FAM13C: variants seen among roughly 807,000 people sequenced by gnomAD.
FAM13C encodes protein FAM13C.
In FAM13C, 37 loss-of-function variants were observed where a neutral mutation model predicts 73.2. The observed-to-expected ratio is 0.51, with a 90% CI of 0.39 to 0.67. FAM13C has a LOEUF of 0.67. FAM13C is among the 30% of genes least tolerant of loss of function. The probability of loss-of-function intolerance (pLI) is 0.00; values close to 1 mark genes in which losing one functional copy is unlikely to be tolerated. For missense variants in FAM13C, 589 were observed against 715.6 expected (o/e 0.82, Z 2.02); for synonymous variants, 246 against 260.9 (o/e 0.94, Z 0.55).
At chr10:59,292,224 A>G (rs1197248740) in intron 5 of FAM13C, among the ~76,000 whole-genome samples, 1 of 152,232 alleles carries the variant, frequency 6.6e-6, no homozygotes, top group Non-Finnish European at 1.5e-5. Flanking sequence ...TAGTACTTAA[A>G]TTATCCAAAA....
chr10:59,335,705 T>C (rs2093291030), intron 3 of FAM13C, among the ~76,000 whole-genome samples: 1 of 152,174 alleles, frequency 6.6e-6, no homozygotes, highest in African/African-American at 2.4e-5. Flanking sequence ...ATGGCCTACA[T>C]TGTGTTTGTT....
In FAM13C at chr10:59,246,817, T is replaced by C; in HGVS notation, c.*797A>G. On this transcript the variant is annotated 3_prime_UTR_variant, in exon 14 of 14. Coordinates refer to ENST00000618804, the MANE Select transcript of FAM13C (RefSeq NM_198215.4). Reference sequence around the variant, plus strand: ...ATCATCTTATAGTAAACCAAAAGATTAGCAATAATACTATGGACACATTAG... The same window carrying C: ...ATCATCTTATAGTAAACCAAAAGATCAGCAATAATACTATGGACACATTAG... 1 of 388,730 alleles carries C rather than the reference T, an allele frequency of 2.6e-6. No homozygotes were observed. Among genetic ancestry groups the C allele is most frequent in the Non-Finnish European group, 4.5e-6 (1 of 219,892 alleles). The allele number at this position is 388,730 out of a possible 1,614,324, so 24.1% of individuals were successfully genotyped here. A position where few individuals can be genotyped will look rare whatever the true frequency, so the allele number is the denominator to read the frequency against.
chr10:59,348,919 C>T (rs973751118), intron 3 of FAM13C, among the ~76,000 whole-genome samples: 3 of 152,284 alleles, frequency 2.0e-5, no homozygotes, highest in East Asian at 3.9e-4. Context: ...CAGGCGTGAG[C>T]CACAATGCCC....
At chr10:59,326,218 A>G (rs1851101508) in intron 3 of FAM13C, among the ~76,000 whole-genome samples, 1 of 152,144 alleles carries the variant, frequency 6.6e-6, no homozygotes, top group African/African-American at 2.4e-5. Flanking sequence ...ATCTCAAAGG[A>G]CTGCAAGAGA....
intron 3 of FAM13C, among the ~76,000 whole-genome samples, chr10:59,340,299 T>C (rs887833997): frequency 1.3e-5 from 2 of 152,330 alleles, no homozygotes; most frequent in East Asian, 1.9e-4. Context: ...GCCCAGAGAT[T>C]ATAATCCTGT....
At chr10:59,321,633 C>T (rs1455796694) in intron 4 of FAM13C, among the ~76,000 whole-genome samples, 1 of 151,970 alleles carries the variant, frequency 6.6e-6, no homozygotes, top group East Asian at 1.9e-4. Context: ...CTCATAAATA[C>T]ATAAAGGCTC....
At chr10:59,295,400 A>G (rs1270610239) in intron 5 of FAM13C, among the ~76,000 whole-genome samples, 1 of 152,190 alleles carries the variant, frequency 6.6e-6, no homozygotes, top group Admixed American at 6.5e-5. Context: ...TCCAAGATAA[A>G]GGGTGAGGAG....
chr10:59,302,739 AG>A, intron 5 of FAM13C, 61 bp downstream of exon 5: 1 of 1,480,924 alleles, frequency 6.8e-7, no homozygotes, highest in Non-Finnish European at 9.4e-7. Context: ...ACTGTGAAAA[AG>A]AATAGTAAAT....
chr10:59,247,538 A>G lies in FAM13C; in HGVS notation c.*76T>C, dbSNP rs549028009. ...CTTCCATTTTCATTGTGTCAAAACTACTTAGCAAGGATGGCAGAGGAAAAT... is the reference window on the plus strand; with the variant it reads ...CTTCCATTTTCATTGTGTCAAAACTGCTTAGCAAGGATGGCAGAGGAAAAT... On this transcript the variant is annotated 3_prime_UTR_variant, in exon 14 of 14. Coordinates refer to ENST00000618804, the MANE Select transcript of FAM13C (RefSeq NM_198215.4). 1,700 of 1,585,828 alleles carry G rather than the reference A, an allele frequency of 1.1e-3. 4 individuals are homozygous for G. Among genetic ancestry groups the G allele is most frequent in the Admixed American group, 1.7e-3 (102 of 58,754 alleles).
At chr10:59,352,590 A>T in intron 2 of FAM13C, 116 bp from the exon 3 acceptor site, 1 of 1,134,354 alleles carries the variant, frequency 8.8e-7, no homozygotes, top group Non-Finnish European at 1.2e-6. Flanking sequence ...GACACCTCGC[A>T]AAATTTTTAG....
At chr10:59,266,861 G>A (rs1402864019) in intron 8 of FAM13C, among the ~76,000 whole-genome samples, 1 of 152,210 alleles carries the variant, frequency 6.6e-6, no homozygotes, top group African/African-American at 2.4e-5. Flanking sequence ...ACAAGGCAGA[G>A]ACTGCCATGG....
Position 59,247,657 on chromosome 10 carries a change from A to G in FAM13C, c.1715T>C (p.Leu572Ser). 1.2e-6 allele frequency: 2 copies of G among 1,613,558 alleles called. No individual in the cohort carries two copies. The highest frequency in any genetic ancestry group is 1.7e-6 in the Non-Finnish European group (2 of 1,179,676). The stretch of plus-strand genomic sequence containing the variant: ...ATCTTGCTTGCTGATGAGGACCTCT[A>G]ATAGTCTCAGTTTGGCTTTTATGTG... Reference protein sequence around the residue: ...YKHIKAKLRLLEVLISKQDVA... With the variant: ...YKHIKAKLRLSEVLISKQDVA... Residue 572 changes from leucine (L) to serine (S), a missense_variant, in exon 14 of 14, where the codon TTA becomes TCA. Leu to Ser is a moderately radical substitution (Grantham distance 145). Transcript: ENST00000618804.
intron 12 of FAM13C, among the ~76,000 whole-genome samples, chr10:59,252,091 G>C (rs1002251972): frequency 6.6e-6 from 1 of 152,088 alleles, no homozygotes; most frequent in African/African-American, 2.4e-5. Flanking sequence ...ATAAGTGTGG[G>C]AATATTGGGA....
At chr10:59,315,442 TGG>T (rs779372470) in intron 4 of FAM13C, among the ~76,000 whole-genome samples, 250 of 152,318 alleles carry the variant, frequency 1.6e-3, no homozygotes, top group African/African-American at 5.3e-3. Context: ...TGAAATTTAG[TGG>T]GGTTTTTTTT....
At chr10:59,292,503 G>A (rs1218581290) in intron 5 of FAM13C, among the ~76,000 whole-genome samples, 1 of 152,212 alleles carries the variant, frequency 6.6e-6, no homozygotes, top group Non-Finnish European at 1.5e-5. Flanking sequence ...TGGCTCATAG[G>A]CCATCTACTT....
intron 13 of FAM13C, among the ~76,000 whole-genome samples, chr10:59,250,874 A>G (rs11006418): frequency 0.092 from 14,014 of 152,220 alleles, 1,587 homozygotes; most frequent in African/African-American, 0.27. Context: ...GAGTCCAACC[A>G]TTTCAGCTCA....
chr10:59,275,254 A>T (rs140770954), intron 6 of FAM13C, among the ~76,000 whole-genome samples: 131 of 152,310 alleles, frequency 8.6e-4, no homozygotes, highest in Admixed American at 1.6e-3. Context: ...GTCAAGAATG[A>T]TTCATCTCAA....
Position 59,302,875 on chromosome 10 carries a change from C to T in FAM13C, c.444-11G>A, listed in dbSNP as rs1467713972. The T allele has an allele frequency of 6.2e-7, 1 of 1,610,658 alleles. No individual in the cohort carries two copies. On this transcript the variant is annotated splice_polypyrimidine_tract_variant and intron_variant, in intron 4 of 13. Transcript: ENST00000618804. Reference sequence around the variant, plus strand: ...GTCCTCTGGTCTATTCTATAAAATACAAAGAAAAATTATTTCCATTTAAAA... The same window carrying T: ...GTCCTCTGGTCTATTCTATAAAATATAAAGAAAAATTATTTCCATTTAAAA...
chr10:59,355,543 C>A (rs1224971367), intron 2 of FAM13C, among the ~76,000 whole-genome samples: 1 of 152,124 alleles, frequency 6.6e-6, no homozygotes, highest in Admixed American at 6.6e-5. Context: ...CCTTGATGAC[C>A]AAGACCATAC....
Sources: gnomAD v4.1 joint callset for allele counts (sites outside exome capture counted in the v4.1 genomes callset) on GRCh38, gnomAD v4.1.1 for gene constraint, MANE v1.5 for transcripts, NCBI Gene and HGNC (gene_info 2026-07-23, HGNC 2026-07-21) for gene names.